MSI2: variants seen among roughly 807,000 people sequenced by gnomAD.
MSI2 encodes RNA-binding protein Musashi homolog 2.
A neutral mutation model predicts 45.6 loss-of-function variants in MSI2; 17 were observed. The observed-to-expected ratio is 0.37, with a 90% CI of 0.26 to 0.56. The LOEUF is 0.56. MSI2 is among the 20% of genes least tolerant of loss of function. The pLI, the probability that MSI2 is intolerant of heterozygous loss-of-function variation, is 0.77. For missense variants in MSI2, 293 were observed against 444.2 expected, an observed-to-expected ratio of 0.66 and a Z score of 3.06; for synonymous variants, 156 against 158.2, an observed-to-expected ratio of 0.99 and a Z score of 0.11.
At chr17:57,566,821 G>A (rs149116556) in intron 7 of MSI2, among the ~76,000 whole-genome samples, 4 of 152,160 alleles carry the variant, frequency 2.6e-5, no homozygotes, top group South Asian at 2.1e-4. Flanking sequence ...GTTCAGAGGC[G>A]CACCAAGGGC....
At position 57,564,185 on chromosome 17, in the gene MSI2, A is replaced by C. The variant is rs143625993; in HGVS notation, c.455-32683A>C. Among the ~76,000 whole-genome samples the C allele has an allele frequency of 4.6e-5, 7 of 152,316 alleles. No individual in the cohort carries two copies. In the South Asian group the frequency reaches 1.0e-3, roughly 23 times the overall value. On this transcript the variant is annotated intron_variant, in intron 7 of 13. Transcript: ENST00000284073. ...GATTTCTTGCTGGAACAGGGCACAG[A>C]TGGCTGGGTTTGAGTGCAGCAGTAA...
rs533357362 is a variant in MSI2 at position 57,574,678 on chromosome 17, G to A, written c.455-22190G>A. Among the ~76,000 whole-genome samples the A allele has an allele frequency of 5.3e-5, 8 of 152,300 alleles. 1 individual carries two copies. Among genetic ancestry groups the A allele is most frequent in the African/African-American group, 1.9e-4 (8 of 41,572 alleles). ...GTAGGTGACCCTTTGTAGGGCAAGG[G>A]TCTCTCTCTGAGTGTGGGTTCTGTC... is the stretch of plus-strand genomic sequence containing the variant. On this transcript the variant is annotated intron_variant, in intron 7 of 13. Coordinates refer to ENST00000284073, the MANE Select transcript of MSI2 (RefSeq NM_138962.4).
In MSI2 at chr17:57,627,953, A is replaced by C. The variant is rs1262501444; in HGVS notation, c.727+650A>C. On this transcript the variant is annotated intron_variant, in intron 10 of 13. Transcript: ENST00000284073. The surrounding 1 kb of genome is among the most constrained non-coding windows in gnomAD (Gnocchi z 4.6). Reference sequence around the variant, plus strand: ...CCAGCTCCAACTCCAGGTAGCTGGCAGGCCTGGGACCTCACCTGGGAGAAG... The same window carrying C: ...CCAGCTCCAACTCCAGGTAGCTGGCCGGCCTGGGACCTCACCTGGGAGAAG... 6.5e-6 allele frequency: 1 copy of C among 153,400 alleles called. No individual in the cohort carries two copies. Among genetic ancestry groups the C allele is most frequent in the Admixed American group, 6.5e-5 (1 of 15,444 alleles). 9.5% of individuals were successfully genotyped at this position (153,400 alleles called of 1,614,324 possible).
chr17:57,372,849 A>G (rs1369709333), intron 5 of MSI2, among the ~76,000 whole-genome samples: 1 of 152,186 alleles, frequency 6.6e-6, no homozygotes, highest in Non-Finnish European at 1.5e-5. Context: ...AATGAGAATG[A>G]GGACAGTTTT....
intron 7 of MSI2, among the ~76,000 whole-genome samples, chr17:57,572,616 C>T (rs1028333537): frequency 2.0e-5 from 3 of 152,186 alleles, no homozygotes; most frequent in Non-Finnish European, 4.4e-5. Flanking sequence ...AGGTGCTAAA[C>T]CAATATTGAT....
intron 6 of MSI2, among the ~76,000 whole-genome samples, chr17:57,518,979 C>T (rs2086528074): frequency 2.0e-5 from 3 of 152,234 alleles, no homozygotes; most frequent in African/African-American, 7.2e-5. Context: ...TCTCTACACC[C>T]CATCTCAGAT....
intron 5 of MSI2, among the ~76,000 whole-genome samples, chr17:57,311,609 A>G (rs1386432571): frequency 2.0e-5 from 3 of 152,080 alleles, no homozygotes; most frequent in African/African-American, 7.2e-5. Context: ...GGAGTGCAGT[A>G]TATACACATT....
At chr17:57,695,371 T>C in the MSI2 span, among the ~76,000 whole-genome samples, 3 of 152,174 alleles carry the variant, frequency 2.0e-5, no homozygotes, top group Non-Finnish European at 4.4e-5. Context: ...CTGGGGATTA[T>C]ATTAGCTGAG....
intron 10 of MSI2, chr17:57,628,514 G>C (rs1217756936): frequency 6.6e-6 from 1 of 152,298 alleles, no homozygotes; most frequent in Non-Finnish European, 1.5e-5. Context: ...CTCTTGTCCT[G>C]TCTCCGATAC....
intron 6 of MSI2, among the ~76,000 whole-genome samples, chr17:57,418,232 T>C (rs1478616301): frequency 4.6e-5 from 7 of 152,256 alleles, no homozygotes; most frequent in African/African-American, 1.7e-4. Context: ...TCCCCTGTTA[T>C]AGACAGTCCT....
chr17:57,441,284 A>G (rs2084795396), intron 6 of MSI2, among the ~76,000 whole-genome samples: 1 of 152,078 alleles, frequency 6.6e-6, no homozygotes, highest in Admixed American at 6.5e-5. Flanking sequence ...TTGGTGCTAA[A>G]TTGCTGCCCT....
In MSI2 at chr17:57,280,339, C is replaced by T. The variant is rs1258562457; in HGVS notation, c.312+18147C>T. 6.6e-6 allele frequency among the ~76,000 whole-genome samples: 1 copy of T among 152,140 alleles called. No individual in the cohort carries two copies. Among genetic ancestry groups the T allele is most frequent in the African/African-American group, 2.4e-5 (1 of 41,410 alleles). On this transcript the variant is annotated intron_variant, in intron 5 of 13. Transcript: ENST00000284073. The surrounding 1 kb of genome is among the most constrained non-coding windows in gnomAD (Gnocchi z 4.2). The stretch of plus-strand genomic sequence containing the variant: ...ACACGAAAAGTGGCTTGTGGGTACC[C>T]CAGGGGGCTGTGGGGGAATCAGTGA...
At chr17:57,370,289 C>A (rs1472237595) in intron 5 of MSI2, among the ~76,000 whole-genome samples, 1 of 152,174 alleles carries the variant, frequency 6.6e-6, no homozygotes, top group Non-Finnish European at 1.5e-5. Flanking sequence ...TTAGGCAGAA[C>A]CTCACAAATG....
At chr17:57,645,681 G>C (rs548215304) in intron 10 of MSI2, among the ~76,000 whole-genome samples, 4 of 151,712 alleles carry the variant, frequency 2.6e-5, no homozygotes, top group Non-Finnish European at 5.9e-5. Context: ...ACCTCAGGTA[G>C]TCCTCCCGCC....
chr17:57,537,425 G>A (rs1367313037), intron 7 of MSI2, among the ~76,000 whole-genome samples: 2 of 152,242 alleles, frequency 1.3e-5, no homozygotes, highest in African/African-American at 4.8e-5. Context: ...CCCCGGAGCT[G>A]TCTGCACATT....
chr17:57,363,913 T>C (rs1012272112), intron 5 of MSI2, among the ~76,000 whole-genome samples: 3 of 152,198 alleles, frequency 2.0e-5, no homozygotes, highest in Admixed American at 6.5e-5. Context: ...TTTGAAAATA[T>C]AGCACTGCCC....
At chr17:57,438,493 C>T (rs1306870813) in intron 6 of MSI2, among the ~76,000 whole-genome samples, 1 of 152,090 alleles carries the variant, frequency 6.6e-6, no homozygotes, top group Admixed American at 6.6e-5. Context: ...GAGCAGAAAG[C>T]AGACTTTCTG....
chr17:57,357,824 G>A (rs79267647), intron 5 of MSI2, among the ~76,000 whole-genome samples: 1,814 of 152,278 alleles, frequency 0.012, 25 homozygotes, highest in East Asian at 0.018. Context: ...TTAGTGTTCC[G>A]ATTAATACAT....
chr17:57,434,152 T>C lies in MSI2; in HGVS notation c.405+32681T>C, dbSNP rs1177327553. Among the ~76,000 whole-genome samples, 3 of 152,164 alleles carry C rather than the reference T, an allele frequency of 2.0e-5. No homozygotes were observed. The East Asian group carries it at 5.8e-4, about 29-fold the overall frequency. Reference sequence around the variant, plus strand: ...TCTTGCTCTGTCGCCCAGGCTGGAGTGCAGTGGTGTGATCTTGGCTCACTG... The same window carrying C: ...TCTTGCTCTGTCGCCCAGGCTGGAGCGCAGTGGTGTGATCTTGGCTCACTG... On this transcript the variant is annotated intron_variant, in intron 6 of 13. Transcript: ENST00000284073.
Sources: allele counts gnomAD v4.1 joint callset (sites outside exome capture counted in the v4.1 genomes callset), GRCh38; gene constraint gnomAD v4.1.1; non-coding constraint Gnocchi (gnomAD v3.1); transcripts MANE v1.5; gene names NCBI Gene and HGNC (gene_info 2026-07-23, HGNC 2026-07-21).